PDCD1LG2: variants seen among roughly 807,000 people sequenced by gnomAD.
The protein encoded by PDCD1LG2 is B7 dendritic cell molecule.
In PDCD1LG2, 32 loss-of-function variants were observed where a neutral mutation model predicts 28.2. The observed-to-expected ratio is 1.13, with a 90% CI of 0.86 to 1.52. The LOEUF (loss-of-function observed/expected upper bound fraction) is 1.52, where lower values mean the gene tolerates loss of function less well. Ranked by LOEUF, PDCD1LG2 falls within the 40% of genes most tolerant of loss-of-function variation. PDCD1LG2 has a pLI of 0.00. For synonymous variants in PDCD1LG2, 116 were observed against 120.2 expected, an observed-to-expected ratio of 0.97 and a Z score of 0.23; for missense variants, 385 against 323.8, an observed-to-expected ratio of 1.19 and a Z score of -1.45.
At chr9:5,554,471 T>C (rs769647701) in intron 4 of PDCD1LG2, among the ~76,000 whole-genome samples, 15 of 152,224 alleles carry the variant, frequency 9.9e-5, no homozygotes, top group Non-Finnish European at 2.1e-4. Context: ...TTCTCATAAA[T>C]TGAGCTGTGG....
chr9:5,543,400 G>A (rs543210674), intron 3 of PDCD1LG2, among the ~76,000 whole-genome samples: 2 of 152,074 alleles, frequency 1.3e-5, no homozygotes, highest in Non-Finnish European at 2.9e-5. Flanking sequence ...TTAGCCGGGC[G>A]TGGTGGCAGG....
intron 3 of PDCD1LG2, among the ~76,000 whole-genome samples, chr9:5,540,674 A>G (rs1216578405): frequency 6.6e-6 from 1 of 152,184 alleles, no homozygotes; most frequent in Non-Finnish European, 1.5e-5. Context: ...AAGATATAGG[A>G]ACTATAAACA....
chr9:5,547,408 C>T (rs17491954), intron 3 of PDCD1LG2, among the ~76,000 whole-genome samples: 13,174 of 152,204 alleles, frequency 0.087, 754 homozygotes, highest in Middle Eastern at 0.16. Context: ...TTCCACACTG[C>T]CTGGTAACTG....
At chr9:5,512,221 G>A (rs574032779) in intron 1 of PDCD1LG2, among the ~76,000 whole-genome samples, 2 of 152,280 alleles carry the variant, frequency 1.3e-5, no homozygotes, top group East Asian at 3.9e-4. Context: ...ACTCTGTAAA[G>A]GGGCAACTGT....
At chr9:5,544,195 C>G (rs1323557100) in intron 3 of PDCD1LG2, among the ~76,000 whole-genome samples, 1 of 152,160 alleles carries the variant, frequency 6.6e-6, no homozygotes, top group Non-Finnish European at 1.5e-5. Flanking sequence ...AAAGCTGAAA[C>G]TAGTAATTCT....
chr9:5,561,529 A>C (rs953295681), intron 5 of PDCD1LG2, among the ~76,000 whole-genome samples: 1 of 152,360 alleles, frequency 6.6e-6, no homozygotes, highest in East Asian at 1.9e-4. Flanking sequence ...GGTTCAGTCA[A>C]TATTATTATC....
chr9:5,530,567 G>A (rs976206358), intron 2 of PDCD1LG2, among the ~76,000 whole-genome samples: 3 of 151,848 alleles, frequency 2.0e-5, no homozygotes, highest in Non-Finnish European at 4.4e-5. Flanking sequence ...AGAAATAAAT[G>A]TGCATTGAAG....
chr9:5,550,209 T>C (rs1483230454), intron 4 of PDCD1LG2, among the ~76,000 whole-genome samples: 3 of 152,236 alleles, frequency 2.0e-5, no homozygotes, highest in Non-Finnish European at 4.4e-5. Context: ...CCAAGAAATT[T>C]GGTCTCTAAC....
intron 4 of PDCD1LG2, among the ~76,000 whole-genome samples, chr9:5,556,638 G>C (rs1437267407): frequency 6.6e-6 from 1 of 152,168 alleles, no homozygotes; most frequent in African/African-American, 2.4e-5. Flanking sequence ...GAGGTAGTGG[G>C]GTTTGAGGGC....
intron 3 of PDCD1LG2, among the ~76,000 whole-genome samples, chr9:5,538,130 T>G (rs1263149808): frequency 6.6e-6 from 1 of 152,154 alleles, no homozygotes; most frequent in East Asian, 1.9e-4. Context: ...CATTTAATAA[T>G]TTATTTATTT....
intron 1 of PDCD1LG2, among the ~76,000 whole-genome samples, chr9:5,515,596 T>C (rs1820141749): frequency 2.0e-5 from 3 of 152,070 alleles, no homozygotes; most frequent in South Asian, 2.1e-4. Context: ...CCACAATGGA[T>C]AGCTCCTTAC....
Position 5,563,115 on chromosome 9 carries a change from A to T in PDCD1LG2, c.767-47A>T, listed in dbSNP as rs7025474. 4.3e-3 allele frequency: 6,092 copies of T among 1,425,080 alleles called. 208 individuals carry two copies. In the African/African-American group the frequency reaches 0.076, roughly 18 times the overall value. The allele number at this position is 1,425,080 out of a possible 1,614,324, so 88.3% of individuals were successfully genotyped here. A position where few individuals can be genotyped will look rare whatever the true frequency, so the allele number is the denominator to read the frequency against. On this transcript the variant is annotated intron_variant, in intron 5 of 6. Transcript: ENST00000397747. The stretch of plus-strand genomic sequence containing the variant: ...CCATATTTTAATCTATAAGCCAAAC[A>T]GTTTTCTCATTAATCTTATTCCATT...
chr9:5,563,180 TCAC>T lies in PDCD1LG2; in HGVS notation c.789_791del (p.Thr265del), dbSNP rs1816600126. On this transcript the variant is annotated inframe_deletion, in exon 6 of 7. Coordinates refer to ENST00000397747, the MANE Select transcript of PDCD1LG2 (RefSeq NM_025239.4). ...TTTTCAGACACAACAAAAAGACCTG[TCAC>T]CACAACAAAGAGGGAAGTGAACAGT... 6.2e-6 allele frequency: 10 copies of T among 1,612,550 alleles called. No individual in the cohort carries two copies. The highest frequency in any genetic ancestry group is 1.6e-4 in the Middle Eastern group (1 of 6,078).
At chr9:5,515,390 C>G (rs146480107) in intron 1 of PDCD1LG2, among the ~76,000 whole-genome samples, 1 of 152,342 alleles carries the variant, frequency 6.6e-6, no homozygotes, top group East Asian at 1.9e-4. Context: ...TCTGTTACAG[C>G]TCTTTCAGTC....
chr9:5,531,029 C>G (rs981199272), intron 2 of PDCD1LG2, among the ~76,000 whole-genome samples: 3 of 152,194 alleles, frequency 2.0e-5, no homozygotes, highest in Non-Finnish European at 2.9e-5. Context: ...GTTCGCAATA[C>G]TGTCTGCACT....
chr9:5,567,137 A>C (rs185887836), intron 6 of PDCD1LG2, among the ~76,000 whole-genome samples: 3 of 152,218 alleles, frequency 2.0e-5, no homozygotes, highest in African/African-American at 7.2e-5. Context: ...AACCAAATAC[A>C]TTATATAGGA....
chr9:5,522,409 A>T, intron 1 of PDCD1LG2, 124 bp from the exon 2 acceptor site: 1 of 664,866 alleles, frequency 1.5e-6, no homozygotes, highest in South Asian at 2.1e-5. Context: ...TCCCAGCTCC[A>T]CTCTACCATG....
At chr9:5,518,106 G>A (rs1820201917) in intron 1 of PDCD1LG2, among the ~76,000 whole-genome samples, 1 of 152,196 alleles carries the variant, frequency 6.6e-6, no homozygotes, top group African/African-American at 2.4e-5. Flanking sequence ...GGTGGGTGTT[G>A]CTACTATTAG....
At chr9:5,541,844 G>A (rs1396158336) in intron 3 of PDCD1LG2, among the ~76,000 whole-genome samples, 3 of 151,924 alleles carry the variant, frequency 2.0e-5, no homozygotes, top group African/African-American at 7.3e-5. Flanking sequence ...AATTCATATG[G>A]AACCAAAAAA....
Sources: allele counts gnomAD v4.1 joint callset (sites outside exome capture counted in the v4.1 genomes callset), GRCh38; gene constraint gnomAD v4.1.1; transcripts MANE v1.5; gene names NCBI Gene and HGNC (gene_info 2026-07-23, HGNC 2026-07-21).